The following PPARGC1A variants were observed in gnomAD, a reference collection of about 807,000 sequenced individuals.
PPARGC1A encodes the protein peroxisome proliferator-activated receptor gamma coactivator 1-alpha.
Under a neutral mutation model 88.7 loss-of-function variants are expected in PPARGC1A, and 25 were observed. The ratio of observed to expected loss-of-function variants is 0.28; its 90% CI spans 0.21 to 0.39. The LOEUF (loss-of-function observed/expected upper bound fraction) is 0.39, where lower values mean the gene tolerates loss of function less well. PPARGC1A is among the 10% of genes least tolerant of loss of function. The pLI, the probability that PPARGC1A is intolerant of heterozygous loss-of-function variation, is 1.00. For missense variants in PPARGC1A, 880 were observed against 968.7 expected (o/e 0.91, Z 1.22); for synonymous variants, 363 against 355.6 (o/e 1.02, Z -0.24).
the PPARGC1A span, among the ~76,000 whole-genome samples, chr4:24,243,149 T>C: frequency 6.6e-6 from 1 of 152,234 alleles, no homozygotes; most frequent in Non-Finnish European, 1.5e-5. Context: ...TCACCAGAAC[T>C]GCTCATGAAG....
chr4:24,269,331 G>A, the PPARGC1A span, among the ~76,000 whole-genome samples: 1 of 151,332 alleles, frequency 6.6e-6, no homozygotes, highest in Non-Finnish European at 1.5e-5. Context: ...GGGTCTTCTT[G>A]GGGAAGGATA....
chr4:23,855,772 T>A (rs1730088356), intron 2 of PPARGC1A, among the ~76,000 whole-genome samples: 1 of 152,008 alleles, frequency 6.6e-6, no homozygotes, highest in South Asian at 2.1e-4. Flanking sequence ...AGGGCCCACA[T>A]CAGAGGCACC....
At chr4:24,434,697 C>A in the PPARGC1A span, among the ~76,000 whole-genome samples, 6 of 152,160 alleles carry the variant, frequency 3.9e-5, no homozygotes, top group African/African-American at 1.2e-4. Context: ...ATTTTGCCAA[C>A]ATCAGATTGT....
the PPARGC1A span, among the ~76,000 whole-genome samples, chr4:24,316,926 T>C: frequency 2.0e-5 from 3 of 152,212 alleles, 1 homozygote; most frequent in South Asian, 6.2e-4. Flanking sequence ...GCAGGATCCA[T>C]GTTCATTTCT....
At chr4:24,196,190 T>C in the PPARGC1A span, among the ~76,000 whole-genome samples, 1 of 152,182 alleles carries the variant, frequency 6.6e-6, no homozygotes, top group Non-Finnish European at 1.5e-5. Context: ...CAGATTGGAA[T>C]GTGGATAAAT....
At chr4:24,300,324 A>ATTTTTTTTT in the PPARGC1A span, among the ~76,000 whole-genome samples, 73 of 45,024 alleles carry the variant, frequency 1.6e-3, 12 homozygotes, top group Non-Finnish European at 2.3e-3. Flanking sequence ...ATACAATAGC[A>ATTTTTTTTT]TTTTTTTTTT....
chr4:24,291,198 C>G, the PPARGC1A span, among the ~76,000 whole-genome samples: 1 of 152,162 alleles, frequency 6.6e-6, no homozygotes, highest in East Asian at 1.9e-4. Flanking sequence ...AGAAGTGAGT[C>G]TCCTTTGCCT....
At chr4:23,859,073 T>A (rs1730734130) in intron 2 of PPARGC1A, among the ~76,000 whole-genome samples, 1 of 152,020 alleles carries the variant, frequency 6.6e-6, no homozygotes, top group Non-Finnish European at 1.5e-5. Context: ...TAACTTTTAA[T>A]ACTAGCCCAT....
At position 23,792,557 on chromosome 4, in the gene PPARGC1A, C is replaced by CA. The variant is rs1048541459; in HGVS notation, c.*3264dup. On this transcript the variant is annotated 3_prime_UTR_variant, in exon 13 of 13. Coordinates refer to ENST00000264867, the MANE Select transcript of PPARGC1A (RefSeq NM_013261.5). Reference sequence around the variant, plus strand: ...AACTGTTGTTCTCGGAGTCGTTTAGCAAAAAATTGATTTTGTTGCACTGGA... The same window carrying CA: ...AACTGTTGTTCTCGGAGTCGTTTAGCAAAAAAATTGATTTTGTTGCACTGGA... 6.6e-6 allele frequency: 1 copy of CA among 152,130 alleles called. No individual in the cohort carries two copies. The highest frequency in any genetic ancestry group is 1.9e-4 in the East Asian group (1 of 5,160). The allele number at this position is 152,130 out of a possible 1,614,324, so 9.4% of individuals were successfully genotyped here.
At chr4:23,817,355 C>T (rs1722168880) in intron 7 of PPARGC1A, among the ~76,000 whole-genome samples, 1 of 152,108 alleles carries the variant, frequency 6.6e-6, no homozygotes, top group African/African-American at 2.4e-5. Context: ...AGCCTTTTAC[C>T]TCTGTCACAC....
chr4:24,282,191 T>C, the PPARGC1A span, among the ~76,000 whole-genome samples: 1 of 152,160 alleles, frequency 6.6e-6, no homozygotes, highest in Admixed American at 6.5e-5. Context: ...CTAGGTCACA[T>C]AGTTGTACAG....
upstream of PPARGC1A, among the ~76,000 whole-genome samples, chr4:23,894,230 C>T (rs1280923680): frequency 6.6e-6 from 1 of 152,098 alleles, no homozygotes; most frequent in Non-Finnish European, 1.5e-5. Context: ...AGGGGCCTGC[C>T]TAGAATTGCT....
At chr4:24,070,721 G>T in the PPARGC1A span, among the ~76,000 whole-genome samples, 1 of 152,094 alleles carries the variant, frequency 6.6e-6, no homozygotes, top group Non-Finnish European at 1.5e-5. Flanking sequence ...ACCTATTTTT[G>T]CATAGTCTGT....
At chr4:23,803,791 T>C (rs1396499469) in intron 10 of PPARGC1A, among the ~76,000 whole-genome samples, 1 of 152,190 alleles carries the variant, frequency 6.6e-6, no homozygotes, top group Non-Finnish European at 1.5e-5. Flanking sequence ...AGGTACAGAC[T>C]TAGCTTGCCC....
chr4:23,870,936 G>A (rs978380797), intron 2 of PPARGC1A, among the ~76,000 whole-genome samples: 4 of 150,172 alleles, frequency 2.7e-5, no homozygotes, highest in Non-Finnish European at 4.4e-5. Flanking sequence ...AGTGGTATCC[G>A]TGTTTTTTTT....
chr4:24,179,060 G>A, the PPARGC1A span, among the ~76,000 whole-genome samples: 7 of 151,972 alleles, frequency 4.6e-5, no homozygotes, highest in Non-Finnish European at 5.9e-5. Context: ...GTGTGCATTC[G>A]TTGTCTTATT....
In PPARGC1A at chr4:23,829,596, T is replaced by C; in HGVS notation, c.430-11A>G. On this transcript the variant is annotated splice_polypyrimidine_tract_variant and intron_variant, in intron 3 of 12. Transcript: ENST00000264867. ...TAAGAGCTTCTTAAGCTAGAAACAT[T>C]ATCAGGGAAAGGGAAAAGCAAGTAA... 1 of 1,606,990 alleles carries C rather than the reference T, an allele frequency of 6.2e-7. No homozygotes were observed. Among genetic ancestry groups the C allele is most frequent in the Non-Finnish European group, 8.5e-7 (1 of 1,175,590 alleles).
the PPARGC1A span, among the ~76,000 whole-genome samples, chr4:24,160,849 G>T: frequency 1.3e-5 from 2 of 152,172 alleles, no homozygotes; most frequent in Admixed American, 1.3e-4. Flanking sequence ...CAAGGGTAAA[G>T]TTGGGACCTA....
At chr4:24,097,493 G>A in the PPARGC1A span, among the ~76,000 whole-genome samples, 4 of 151,980 alleles carry the variant, frequency 2.6e-5, no homozygotes, top group African/African-American at 9.7e-5. Flanking sequence ...AATAGGGTAT[G>A]TTTTCCCATA....
Sources: gnomAD v4.1 joint callset for allele counts (sites outside exome capture counted in the v4.1 genomes callset) on GRCh38, gnomAD v4.1.1 for gene constraint, MANE v1.5 for transcripts, NCBI Gene and HGNC (gene_info 2026-07-23, HGNC 2026-07-21) for gene names.